The following AP1B1 variants were observed in gnomAD, a reference collection of about 807,000 sequenced individuals.
AP1B1 encodes adaptor related protein complex 1 subunit beta 1, also known as AP-1 complex subunit beta-1.
In AP1B1, 36 loss-of-function variants were observed where a neutral mutation model predicts 104.3. The ratio of observed to expected loss-of-function variants is 0.35; its 90% CI spans 0.26 to 0.46. AP1B1 has a LOEUF of 0.46. Among genes scored for constraint, AP1B1 ranks in the 20% least tolerant of loss-of-function variants. The pLI is 1.00. For missense variants in AP1B1, 901 were observed against 1,247.9 expected, an observed-to-expected ratio of 0.72 and a Z score of 4.19; for synonymous variants, 504 against 517.5, an observed-to-expected ratio of 0.97 and a Z score of 0.35.
At chr22:29,336,475 C>A (rs1190391487) in intron 16 of AP1B1, among the ~76,000 whole-genome samples, 1 of 152,198 alleles carries the variant, frequency 6.6e-6, no homozygotes, top group Non-Finnish European at 1.5e-5. Context: ...TCATCTGACC[C>A]TTCACGAAGA....
At chr22:29,345,007 A>G (rs1166918233) in intron 11 of AP1B1, among the ~76,000 whole-genome samples, 1 of 152,182 alleles carries the variant, frequency 6.6e-6, no homozygotes, top group Non-Finnish European at 1.5e-5. Context: ...ACATAGTGAG[A>G]TTTCGCCACT....
chr22:29,334,168 A>G, intron 17 of AP1B1, 97 bp downstream of exon 17: 1 of 1,273,136 alleles, frequency 7.9e-7, no homozygotes, highest in South Asian at 1.6e-5. Flanking sequence ...TCCCCTCTAC[A>G]GCCCCCACCC....
intron 10 of AP1B1, 72 bp from the exon 11 acceptor site, chr22:29,349,455 G>A (rs111719344): frequency 2.6e-6 from 4 of 1,550,444 alleles, no homozygotes; most frequent in South Asian, 2.3e-5. Context: ...CCAGACAGGG[G>A]CCAGGAGGGA....
Position 29,362,739 on chromosome 22 carries a change from A to G in AP1B1, c.143+262T>C, listed in dbSNP as rs565581875. 2.0e-5 allele frequency among the ~76,000 whole-genome samples: 3 copies of G among 152,308 alleles called. No individual in the cohort carries two copies. In the East Asian group the frequency reaches 5.8e-4, roughly 29 times the overall value. The stretch of plus-strand genomic sequence containing the variant: ...TCCTCTGGAGTTTCTGAGAGGGTTC[A>G]TGCCACACCCACTCCATTGCCTGCT... On this transcript the variant is annotated intron_variant, in intron 3 of 22. Coordinates refer to ENST00000357586, the MANE Select transcript of AP1B1 (RefSeq NM_001127.4).
chr22:29,366,879 C>G (rs2062149456), intron 2 of AP1B1, among the ~76,000 whole-genome samples: 2 of 142,572 alleles, frequency 1.4e-5, no homozygotes, highest in Non-Finnish European at 3.1e-5. Context: ...CACACACACA[C>G]ACAACTGCTG....
At chr22:29,352,605 C>T (rs2061893868) in intron 7 of AP1B1, among the ~76,000 whole-genome samples, 2 of 152,140 alleles carry the variant, frequency 1.3e-5, no homozygotes, top group African/African-American at 4.8e-5. Flanking sequence ...TGCTCTGCTG[C>T]TGATAGATCT....
At chr22:29,341,985 C>T (rs182916688) in intron 12 of AP1B1, among the ~76,000 whole-genome samples, 226 of 152,374 alleles carry the variant, frequency 1.5e-3, no homozygotes, top group African/African-American at 5.2e-3. Flanking sequence ...TGTCTCTACT[C>T]CCAACCGCCC....
chr22:29,330,507 G>A lies in AP1B1; in HGVS notation c.2637C>T (p.Ser879=). Residue 879 remains serine (S), a synonymous_variant, in exon 21 of 23, where the codon AGC becomes AGT. Transcript: ENST00000357586. ...TCTTGGCGACAGTGAAGATGTTGCT[G>A]CTCTGCAGCTTGCTGCTCGCAGCCT... ...NAEAASSKLQ[S]SNIFTVAKRN... 2 of 1,611,214 alleles carry A rather than the reference G, an allele frequency of 1.2e-6. No homozygotes were observed. The highest frequency in any genetic ancestry group is 1.7e-6 in the Non-Finnish European group (2 of 1,177,626).
rs1029608568 is a variant in AP1B1 at position 29,329,232 on chromosome 22, C to T, written c.2776-337G>A. On this transcript the variant is annotated intron_variant, in intron 22 of 22. Coordinates refer to ENST00000357586, the MANE Select transcript of AP1B1 (RefSeq NM_001127.4). ...CCGGCCCCCCAGAGTCCCTGAAGGT[C>T]TGGGGTCCTCAGGACTGAAGCCTGA... 16 of 1,202,230 alleles carry T rather than the reference C, an allele frequency of 1.3e-5. No individual in the cohort carries two copies. The Admixed American group carries it at 5.6e-4, about 42-fold the overall frequency. The allele number at this position is 1,202,230 out of a possible 1,614,324, so 74.5% of individuals were successfully genotyped here. A position where few individuals can be genotyped will look rare whatever the true frequency, so the allele number is the denominator to read the frequency against.
In AP1B1 at chr22:29,339,132, A is replaced by T. The variant is rs545954891; in HGVS notation, c.2021T>A (p.Ile674Asn). 1.2e-6 allele frequency: 2 copies of T among 1,614,126 alleles called. No homozygotes were observed. Among genetic ancestry groups the T allele is most frequent in the East Asian group, 4.5e-5 (2 of 44,884 alleles). ...AGGTGCCACGAAGTTGGTGCCCCCA[A>T]TCTGGAAAGGGAGGGAAAGAGTCAG... Reference protein sequence around the residue: ...DSLMGDEPEGIGGTNFVAPPT... With the variant: ...DSLMGDEPEGNGGTNFVAPPT... Residue 674 changes from isoleucine (I) to asparagine (N), a missense_variant and splice_region_variant, in exon 16 of 23, where the codon ATT becomes AAT. Transcript: ENST00000357586.
At chr22:29,367,132 T>A in intron 2 of AP1B1, 75 bp downstream of exon 2, 2 of 1,428,248 alleles carry the variant, frequency 1.4e-6, no homozygotes, top group Non-Finnish European at 2.0e-6. Flanking sequence ...CCCTACTCCC[T>A]ACCGCCATAG....
In AP1B1 at chr22:29,378,377, C is replaced by T. The variant is rs555511691; in HGVS notation, c.-28+10047G>A. 1.6e-3 allele frequency among the ~76,000 whole-genome samples: 243 copies of T among 151,654 alleles called. 1 individual carries two copies. Among genetic ancestry groups the T allele is most frequent in the Non-Finnish European group, 2.7e-3 (182 of 67,884 alleles). On this transcript the variant is annotated intron_variant, in intron 1 of 22. Coordinates refer to ENST00000357586, the MANE Select transcript of AP1B1 (RefSeq NM_001127.4). ...TTCAAGACCAGCCTGGGCAACATGG[C>T]GAAACCCCATCTCTACAAAAATACA...
At chr22:29,383,754 A>G (rs143738885) in intron 1 of AP1B1, among the ~76,000 whole-genome samples, 2 of 151,432 alleles carry the variant, frequency 1.3e-5, no homozygotes, top group East Asian at 3.9e-4. Flanking sequence ...TCCAGCTCCG[A>G]GTCCACAGGG....
Position 29,328,778 on chromosome 22 carries a change from C to A in AP1B1, c.*43G>T. 1 of 1,581,616 alleles carries A rather than the reference C, an allele frequency of 6.3e-7. No homozygotes were observed. Among genetic ancestry groups the A allele is most frequent in the South Asian group, 1.2e-5 (1 of 86,430 alleles). ...ATGTGCTGCCCCCGAGGGGCCTCCT[C>A]GATGGGGCGGGCAGAAGGCTGGGGT... On this transcript the variant is annotated 3_prime_UTR_variant, in exon 23 of 23. Transcript: ENST00000357586. The surrounding 1 kb of genome is among the most constrained non-coding windows in gnomAD (Gnocchi z 4.1).
At position 29,331,510 on chromosome 22, in the gene AP1B1, A is replaced by G; in HGVS notation, c.2463T>C (p.Asp821=). ...NLQVAVKNNI[D]VFYFSTLYPL... is the part of the protein sequence containing the mutation. Reference sequence around the variant, plus strand: ...GGTACAAGGTGCTGAAGTAGAAGACATCGATGTTGTTCTTCACGGCCACCT... The same window carrying G: ...GGTACAAGGTGCTGAAGTAGAAGACGTCGATGTTGTTCTTCACGGCCACCT... Residue 821 remains aspartate, a synonymous_variant, in exon 19 of 23, where the codon GAT becomes GAC. Transcript: ENST00000357586. The G allele has an allele frequency of 1.2e-6, 2 of 1,614,196 alleles. No individual in the cohort carries two copies. The highest frequency in any genetic ancestry group is 2.2e-5 in the South Asian group (2 of 91,082).
At chr22:29,369,725 A>G (rs537264558) in intron 1 of AP1B1, among the ~76,000 whole-genome samples, 1 of 152,346 alleles carries the variant, frequency 6.6e-6, no homozygotes, top group Admixed American at 6.5e-5. Context: ...TGTTGAAAGA[A>G]ATGAAAAGGG....
chr22:29,331,627 C>T (rs1166260550), intron 18 of AP1B1, 94 bp from the exon 19 acceptor site: 2 of 1,568,408 alleles, frequency 1.3e-6, no homozygotes, highest in African/African-American at 2.7e-5. Flanking sequence ...TCTCCCAGGG[C>T]CTTCCCTGGT....
At chr22:29,338,123 G>C (rs1427828484) in intron 16 of AP1B1, among the ~76,000 whole-genome samples, 1 of 152,154 alleles carries the variant, frequency 6.6e-6, no homozygotes, top group Non-Finnish European at 1.5e-5. Context: ...TAGTGGGCTG[G>C]AGTCAGGGAT....
At chr22:29,332,601 T>C (rs1230820288) in intron 17 of AP1B1, among the ~76,000 whole-genome samples, 2 of 152,214 alleles carry the variant, frequency 1.3e-5, no homozygotes, top group East Asian at 1.9e-4. Flanking sequence ...TACCTGCTCC[T>C]AGCCTCATAA....
Sources: allele counts gnomAD v4.1 joint callset (sites outside exome capture counted in the v4.1 genomes callset), GRCh38; gene constraint gnomAD v4.1.1; non-coding constraint Gnocchi (gnomAD v3.1); transcripts MANE v1.5; gene names NCBI Gene and HGNC (gene_info 2026-07-23, HGNC 2026-07-21).